The following TMEM232 variants were observed in gnomAD, a reference collection of about 807,000 sequenced individuals.
TMEM232 encodes transmembrane protein 232.
Under a neutral mutation model 78.8 loss-of-function variants are expected in TMEM232, and 80 were observed. The ratio of observed to expected loss-of-function variants is 1.01; its 90% CI spans 0.85 to 1.22. The LOEUF is 1.22. TMEM232 is among the 50% of genes most tolerant of loss of function. The pLI, the probability that TMEM232 is intolerant of heterozygous loss-of-function variation, is 0.00. For missense variants in TMEM232, 881 were observed against 742.2 expected (o/e 1.19, Z -2.17); for synonymous variants, 297 against 254.3 (o/e 1.17, Z -1.60).
At chr5:110,529,951 T>C (rs1050704892) in intron 11 of TMEM232, among the ~76,000 whole-genome samples, 9 of 152,250 alleles carry the variant, frequency 5.9e-5, no homozygotes, top group Admixed American at 5.9e-4. Context: ...TTATCATTTG[T>C]TTTTACATTT....
At chr5:110,453,840 A>G (rs1451437504) in intron 12 of TMEM232, among the ~76,000 whole-genome samples, 1 of 152,018 alleles carries the variant, frequency 6.6e-6, no homozygotes, top group Non-Finnish European at 1.5e-5. Flanking sequence ...AAAAAAAAAA[A>G]GACCAATGTT....
At chr5:110,640,626 GT>G (rs1476836898) in intron 4 of TMEM232, among the ~76,000 whole-genome samples, 3 of 152,032 alleles carry the variant, frequency 2.0e-5, no homozygotes, top group Non-Finnish European at 4.4e-5. Context: ...TTTTATATTA[GT>G]TTTTAATTAG....
Position 110,460,576 on chromosome 5 carries a change from AT to A in TMEM232, c.1704-35661del, listed in dbSNP as rs375321056. Among the ~76,000 whole-genome samples, 106 of 152,202 alleles carry A rather than the reference AT, an allele frequency of 7.0e-4. 2 individuals carry two copies. In the South Asian group the frequency reaches 0.021, roughly 30 times the overall value. ...ACTAAAAATATTGCCTTTAAGTATA[AT>A]TTGCCACTTCAAACACACACACATA... On this transcript the variant is annotated intron_variant, in intron 12 of 13. Transcript: ENST00000455884.
chr5:110,465,702 T>TATC (rs1349447221), intron 12 of TMEM232, among the ~76,000 whole-genome samples: 1 of 152,238 alleles, frequency 6.6e-6, no homozygotes, highest in Non-Finnish European at 1.5e-5. Context: ...CAAATTCATT[T>TATC]ATCATTGCTT....
At chr5:110,506,185 G>C (rs1183580276) in intron 12 of TMEM232, among the ~76,000 whole-genome samples, 2 of 152,158 alleles carry the variant, frequency 1.3e-5, no homozygotes, top group Admixed American at 1.3e-4. Flanking sequence ...ACGGATAAAA[G>C]TGGATGTTAA....
chr5:110,634,448 A>C, intron 5 of TMEM232, among the ~76,000 whole-genome samples: 1 of 152,108 alleles, frequency 6.6e-6, no homozygotes, highest in East Asian at 1.9e-4. Context: ...TATGCTAGGC[A>C]AAAAATAAGT....
At position 110,577,121 on chromosome 5, in the gene TMEM232, C is replaced by T. The variant is rs575182072; in HGVS notation, c.1277-8496G>A. Among the ~76,000 whole-genome samples, 11 of 151,966 alleles carry T rather than the reference C, an allele frequency of 7.2e-5. No homozygotes were observed. The South Asian group carries it at 1.7e-3, about 23-fold the overall frequency. ...TTGGGAATGGGAGAAAATTTTTGCA[C>T]ATTATGTATCTGACAAATATCTAAC... On this transcript the variant is annotated intron_variant, in intron 10 of 13. Transcript: ENST00000455884.
chr5:110,389,850 G>A (rs10035530), intron 4 of TMEM232, among the ~76,000 whole-genome samples: 39,235 of 152,078 alleles, frequency 0.26, 8,565 homozygotes, highest in African/African-American at 0.59. Flanking sequence ...TCTTTGCTAC[G>A]GTGAAATTCT....
chr5:110,591,702 G>A (rs995911324), intron 10 of TMEM232, among the ~76,000 whole-genome samples: 5 of 151,944 alleles, frequency 3.3e-5, no homozygotes, highest in Non-Finnish European at 5.9e-5. Context: ...TAAATGCTTT[G>A]ATCTAGGATT....
chr5:110,685,595 T>C (rs930686034), intron 1 of TMEM232, among the ~76,000 whole-genome samples: 3 of 152,132 alleles, frequency 2.0e-5, no homozygotes, highest in African/African-American at 4.8e-5. Flanking sequence ...GAAATCTATT[T>C]GTCTGTGCCT....
chr5:110,597,530 A>G (rs370678351), intron 10 of TMEM232, among the ~76,000 whole-genome samples: 1 of 151,862 alleles, frequency 6.6e-6, no homozygotes, highest in Admixed American at 6.6e-5. Flanking sequence ...GTTCATATGG[A>G]ACCAAAAAAG....
chr5:110,730,215 C>T (rs1318387171), upstream of TMEM232, among the ~76,000 whole-genome samples: 1 of 152,182 alleles, frequency 6.6e-6, no homozygotes, highest in Non-Finnish European at 1.5e-5. Context: ...TCAAATTAGT[C>T]CATAATACTG....
At chr5:110,442,918 C>T (rs1759223418) in intron 12 of TMEM232, among the ~76,000 whole-genome samples, 1 of 152,152 alleles carries the variant, frequency 6.6e-6, no homozygotes, top group South Asian at 2.1e-4. Flanking sequence ...TTTCTCCTTA[C>T]TTTCTTCCCA....
At position 110,667,342 on chromosome 5, in the gene TMEM232, G is replaced by C. The variant is rs1278911097; in HGVS notation, c.11C>G (p.Pro4Arg). 2.0e-5 allele frequency: 30 copies of C among 1,509,872 alleles called. No individual in the cohort carries two copies. Among genetic ancestry groups the C allele is most frequent in the Non-Finnish European group, 2.5e-5 (28 of 1,124,494 alleles). The allele number at this position is 1,509,872 out of a possible 1,614,324, so 93.5% of individuals were successfully genotyped here. Residue 4 changes from proline to arginine, a missense_variant, in exon 2 of 14, where the codon CCT becomes CGT. Coordinates refer to ENST00000455884, the MANE Select transcript of TMEM232 (RefSeq NM_001039763.4). ...ATTAATCATAGGTGATTTGTTAACA[G>C]GCATATTCATAAATCATAAATTCTA... is the stretch of plus-strand genomic sequence containing the variant. The part of the protein sequence containing the change: MNM[P>R]VNKSPMINTC...
At chr5:110,605,820 A>G (rs183052961) in intron 9 of TMEM232, among the ~76,000 whole-genome samples, 20 of 152,164 alleles carry the variant, frequency 1.3e-4, no homozygotes, top group African/African-American at 3.6e-4. Context: ...GCCTACTCTA[A>G]AGAAACAGAA....
At chr5:110,507,804 T>C (rs182574782) in intron 12 of TMEM232, among the ~76,000 whole-genome samples, 1 of 152,182 alleles carries the variant, frequency 6.6e-6, no homozygotes, top group East Asian at 1.9e-4. Context: ...CAGATTTCTA[T>C]TTTTTTTAAA....
chr5:110,522,193 A>C (rs1206322851), intron 12 of TMEM232, among the ~76,000 whole-genome samples: 1 of 152,158 alleles, frequency 6.6e-6, no homozygotes, highest in African/African-American at 2.4e-5. Context: ...TTGTAAATGT[A>C]ACTGTTTTCC....
intron 12 of TMEM232, among the ~76,000 whole-genome samples, chr5:110,468,332 T>C (rs1762315727): frequency 1.3e-5 from 2 of 152,058 alleles, no homozygotes; most frequent in African/African-American, 4.8e-5. Flanking sequence ...AAAGAATTTA[T>C]TACTAGCAGA....
In TMEM232 at chr5:110,413,804, C is replaced by T. The variant is rs534044671; in HGVS notation, n.308+11019G>A. Among the ~76,000 whole-genome samples the T allele has an allele frequency of 5.3e-5, 8 of 152,272 alleles. No individual in the cohort carries two copies. In the South Asian group the frequency reaches 1.7e-3, roughly 32 times the overall value. On this transcript the variant is annotated intron_variant and non_coding_transcript_variant, in intron 2 of 8. Transcript: ENST00000507188. Reference sequence around the variant, plus strand: ...TAAGGGAGCCAAAGGTAAGAGGGGACTCACTATTTTGAACAGAAATTATTG... The same window carrying T: ...TAAGGGAGCCAAAGGTAAGAGGGGATTCACTATTTTGAACAGAAATTATTG...
Sources: gnomAD v4.1 joint callset for allele counts (sites outside exome capture counted in the v4.1 genomes callset) on GRCh38, gnomAD v4.1.1 for gene constraint, MANE v1.5 for transcripts, NCBI Gene and HGNC (gene_info 2026-07-23, HGNC 2026-07-21) for gene names.